Variants in CABCOCO1 observed in about 807,000 individuals in gnomAD.
CABCOCO1 encodes ciliary-associated calcium-binding coiled-coil protein 1.
CABCOCO1 carries 28 observed loss-of-function variants against 35.7 expected under a neutral mutation model. The ratio of observed to expected loss-of-function variants is 0.78; its 90% confidence interval spans 0.58 to 1.07. The LOEUF is 1.07. Ranked by LOEUF, CABCOCO1 falls within the 50% of genes least tolerant of loss-of-function variation. The pLI is 0.00. For synonymous variants in CABCOCO1, 95 were observed against 100.1 expected (o/e 0.95, Z 0.30); for missense variants, 326 against 309.2 (o/e 1.05, Z -0.41).
intron 5 of CABCOCO1, among the ~76,000 whole-genome samples, chr10:61,758,094 A>G (rs2247787): frequency 0.83 from 125,449 of 151,974 alleles, 51,864 homozygotes; most frequent in East Asian, 0.91. Context: ...CAGTGCCTGC[A>G]GTAAATTCAG....
At chr10:61,688,306 A>G (rs1840027267) in intron 4 of CABCOCO1, among the ~76,000 whole-genome samples, 1 of 152,228 alleles carries the variant, frequency 6.6e-6, no homozygotes, top group South Asian at 2.1e-4. Flanking sequence ...CCCAACCACT[A>G]AAAGCCCTAG....
intron 5 of CABCOCO1, among the ~76,000 whole-genome samples, chr10:61,704,786 T>C (rs1442533032): frequency 6.6e-6 from 1 of 151,012 alleles, no homozygotes; most frequent in East Asian, 1.9e-4. Flanking sequence ...ATTTCAATCA[T>C]CCCCAAAATG....
chr10:61,733,879 T>G (rs1841358051), intron 5 of CABCOCO1, among the ~76,000 whole-genome samples: 1 of 152,006 alleles, frequency 6.6e-6, no homozygotes, highest in African/African-American at 2.4e-5. Context: ...AGCTAACATA[T>G]TTACAGATTT....
At chr10:61,673,905 A>C (rs1306474119) in intron 2 of CABCOCO1, among the ~76,000 whole-genome samples, 1 of 152,214 alleles carries the variant, frequency 6.6e-6, no homozygotes, top group Non-Finnish European at 1.5e-5. Context: ...TTGATCTGCA[A>C]TACCACTGAT....
At chr10:61,698,888 A>G (rs1025019302) in intron 5 of CABCOCO1, among the ~76,000 whole-genome samples, 7 of 152,192 alleles carry the variant, frequency 4.6e-5, no homozygotes, top group Non-Finnish European at 8.8e-5. Flanking sequence ...TGCACATTAG[A>G]TCATATTTTG....
At chr10:61,683,385 C>G (rs1288016844) in intron 3 of CABCOCO1, among the ~76,000 whole-genome samples, 1 of 151,738 alleles carries the variant, frequency 6.6e-6, no homozygotes, top group Non-Finnish European at 1.5e-5. Flanking sequence ...CATGGAGAAA[C>G]CCCATATCTA....
chr10:61,710,609 C>T (rs1411120610), intron 5 of CABCOCO1, among the ~76,000 whole-genome samples: 1 of 151,788 alleles, frequency 6.6e-6, no homozygotes, highest in African/African-American at 2.4e-5. Flanking sequence ...TGTAAAAAAC[C>T]ATGCTCTAAT....
At chr10:61,727,124 A>G (rs901543876) in intron 5 of CABCOCO1, among the ~76,000 whole-genome samples, 5 of 152,142 alleles carry the variant, frequency 3.3e-5, no homozygotes, top group African/African-American at 1.2e-4. Flanking sequence ...ATCACCTTCT[A>G]TTAGATTATA....
intron 5 of CABCOCO1, among the ~76,000 whole-genome samples, chr10:61,723,877 G>A (rs1841081073): frequency 6.6e-6 from 1 of 152,144 alleles, no homozygotes; most frequent in Non-Finnish European, 1.5e-5. Context: ...ATTAATACTG[G>A]AAAGAAGGTA....
intron 5 of CABCOCO1, among the ~76,000 whole-genome samples, chr10:61,719,447 TA>T (rs112605805): frequency 1.2e-3 from 175 of 148,002 alleles, no homozygotes; most frequent in Middle Eastern, 3.4e-3. Flanking sequence ...TACACATGAT[TA>T]AAAAAAAAAA....
At chr10:61,673,645 G>C (rs562107367) in intron 2 of CABCOCO1, among the ~76,000 whole-genome samples, 4 of 152,190 alleles carry the variant, frequency 2.6e-5, no homozygotes, top group Non-Finnish European at 4.4e-5. Flanking sequence ...AGAAAAATCC[G>C]AGAAGGGAAG....
intron 5 of CABCOCO1, among the ~76,000 whole-genome samples, chr10:61,739,733 G>T (rs896863182): frequency 6.6e-6 from 1 of 152,078 alleles, no homozygotes; most frequent in Non-Finnish European, 1.5e-5. Context: ...ACGAGGTCAG[G>T]AGATCGAGAC....
intron 5 of CABCOCO1, among the ~76,000 whole-genome samples, chr10:61,692,224 T>A (rs1005067014): frequency 5.9e-5 from 9 of 152,228 alleles, no homozygotes; most frequent in Non-Finnish European, 1.2e-4. Flanking sequence ...TGGGTTTGAT[T>A]TGCATTCCTC....
At chr10:61,730,677 A>G (rs1163656971) in intron 5 of CABCOCO1, among the ~76,000 whole-genome samples, 1 of 152,124 alleles carries the variant, frequency 6.6e-6, no homozygotes. Context: ...AATATAATGT[A>G]CTGAATAATT....
intron 5 of CABCOCO1, among the ~76,000 whole-genome samples, chr10:61,741,829 G>C (rs1841554742): frequency 6.6e-6 from 1 of 152,090 alleles, no homozygotes; most frequent in African/African-American, 2.4e-5. Context: ...GAATTTGTCA[G>C]CTTTTTAATA....
At chr10:61,727,941 G>A (rs1841198689) in intron 5 of CABCOCO1, among the ~76,000 whole-genome samples, 1 of 152,152 alleles carries the variant, frequency 6.6e-6, no homozygotes, top group South Asian at 2.1e-4. Flanking sequence ...GTAGAAGGAA[G>A]GCAAAGTGTT....
chr10:61,679,634 G>A (rs1400692791), intron 2 of CABCOCO1, among the ~76,000 whole-genome samples: 10 of 152,196 alleles, frequency 6.6e-5, no homozygotes, highest in South Asian at 2.1e-4. Flanking sequence ...TGTATTTCCC[G>A]AAAGTAGGTA....
At chr10:61,664,547 A>G (rs1286000620) in intron 1 of CABCOCO1, among the ~76,000 whole-genome samples, 2 of 152,156 alleles carry the variant, frequency 1.3e-5, no homozygotes, top group Non-Finnish European at 2.9e-5. Flanking sequence ...CAGCTTGCAC[A>G]TTTTTCAACT....
chr10:61,702,091 C>CT (rs956175018), intron 5 of CABCOCO1, among the ~76,000 whole-genome samples: 1 of 152,098 alleles, frequency 6.6e-6, no homozygotes, highest in Non-Finnish European at 1.5e-5. Flanking sequence ...AGAGACGGCA[C>CT]TTTAAGTTTT....
Sources: allele counts gnomAD v4.1 joint callset (sites outside exome capture counted in the v4.1 genomes callset), GRCh38; gene constraint gnomAD v4.1.1; transcripts MANE v1.5; gene names NCBI Gene and HGNC (gene_info 2026-07-23, HGNC 2026-07-21).